ACER1: variants seen among roughly 807,000 people sequenced by gnomAD.
The protein encoded by ACER1 is CTB-180A7.3.
In ACER1, 28 loss-of-function variants were observed where a neutral mutation model predicts 24.9. The ratio of observed to expected loss-of-function variants is 1.13; its 90% CI spans 0.83 to 1.54. The LOEUF (loss-of-function observed/expected upper bound fraction) is 1.54, where lower values mean the gene tolerates loss of function less well. ACER1 is among the 40% of genes most tolerant of loss of function. The pLI is 0.00. For synonymous variants in ACER1, 132 were observed against 131.4 expected, an observed-to-expected ratio of 1.00 and a Z score of -0.03; for missense variants, 352 against 349.3, an observed-to-expected ratio of 1.01 and a Z score of -0.06.
At chr19:6,321,447 C>T (rs2091630368) in intron 1 of ACER1, among the ~76,000 whole-genome samples, 1 of 151,844 alleles carries the variant, frequency 6.6e-6, no homozygotes, top group Non-Finnish European at 1.5e-5. Context: ...GGCCGAAATA[C>T]ATTCTTTAAA....
the ACER1 span, among the ~76,000 whole-genome samples, chr19:6,350,464 G>A: frequency 2.6e-5 from 4 of 151,980 alleles, no homozygotes; most frequent in Non-Finnish European, 5.9e-5. Context: ...CCAGGTACTC[G>A]GGAGGCTGAG....
At chr19:6,350,519 C>T in the ACER1 span, among the ~76,000 whole-genome samples, 4 of 151,238 alleles carry the variant, frequency 2.6e-5, no homozygotes, top group African/African-American at 4.9e-5. Flanking sequence ...TGCAGTGAGC[C>T]GAGATCGTGC....
At chr19:6,340,146 T>C in the ACER1 span, among the ~76,000 whole-genome samples, 1 of 151,298 alleles carries the variant, frequency 6.6e-6, no homozygotes, top group African/African-American at 2.4e-5. Context: ...CCAGGCGTGG[T>C]GGTGCGTGCC....
intron 1 of ACER1, among the ~76,000 whole-genome samples, chr19:6,325,123 C>T (rs941738345): frequency 3.3e-5 from 5 of 152,162 alleles, no homozygotes; most frequent in African/African-American, 9.7e-5. Flanking sequence ...CAAATGCCAC[C>T]GGTTGCCCCA....
chr19:6,334,251 A>G (rs767627630), upstream of ACER1, among the ~76,000 whole-genome samples: 1 of 151,902 alleles, frequency 6.6e-6, no homozygotes, highest in Non-Finnish European at 1.5e-5. Context: ...TCACTGTGTT[A>G]GCCAGGATGG....
the ACER1 span, chr19:6,343,768 C>T: frequency 6.6e-6 from 1 of 152,246 alleles, no homozygotes; most frequent in African/African-American, 2.4e-5. Flanking sequence ...CAGCCACTTC[C>T]TGGTATCCAC....
chr19:6,337,124 C>T (rs1202967726), upstream of ACER1, among the ~76,000 whole-genome samples: 5 of 150,688 alleles, frequency 3.3e-5, no homozygotes, highest in African/African-American at 4.9e-5. Context: ...TGCAGTGAGC[C>T]GAGATTGCAC....
At chr19:6,359,836 C>T in the ACER1 span, among the ~76,000 whole-genome samples, 1 of 152,128 alleles carries the variant, frequency 6.6e-6, no homozygotes, top group African/African-American at 2.4e-5. Context: ...TCATTATCCC[C>T]ACTCTGCAGA....
the ACER1 span, among the ~76,000 whole-genome samples, chr19:6,359,923 CT>C: frequency 6.6e-6 from 1 of 152,184 alleles, no homozygotes; most frequent in Non-Finnish European, 1.5e-5. Context: ...TGAGCACCTA[CT>C]GTGTGTCAGG....
At chr19:6,334,477 T>A (rs2091705026), upstream of ACER1, among the ~76,000 whole-genome samples, 1 of 152,060 alleles carries the variant, frequency 6.6e-6, no homozygotes, top group Non-Finnish European at 1.5e-5. Context: ...CCCAAGTAGC[T>A]GGGATGACTG....
At chr19:6,346,635 C>G in the ACER1 span, among the ~76,000 whole-genome samples, 1 of 151,260 alleles carries the variant, frequency 6.6e-6, no homozygotes, top group Non-Finnish European at 1.5e-5. Context: ...CACACCTTGG[C>G]CTCCCAAAAT....
chr19:6,347,109 A>AATATATATATAT, the ACER1 span, among the ~76,000 whole-genome samples: 44 of 113,730 alleles, frequency 3.9e-4, 1 homozygote, highest in African/African-American at 2.0e-3. Context: ...AAAAAAAAAA[A>AATATATATATAT]ATATATATAT....
the ACER1 span, chr19:6,343,706 C>A: frequency 6.6e-6 from 1 of 152,332 alleles, no homozygotes; most frequent in Non-Finnish European, 1.5e-5. Flanking sequence ...GAACTAGTCA[C>A]ATGACCTCCA....
the ACER1 span, among the ~76,000 whole-genome samples, chr19:6,357,105 T>A: frequency 7.0e-6 from 1 of 142,924 alleles, no homozygotes; most frequent in African/African-American, 2.6e-5. Flanking sequence ...AGTGCAATGG[T>A]GTAATCTTGG....
At chr19:6,342,258 C>CTTTT in the ACER1 span, among the ~76,000 whole-genome samples, 57 of 112,118 alleles carry the variant, frequency 5.1e-4, no homozygotes, top group East Asian at 0.016. Context: ...TATCCTAGTT[C>CTTTT]TTTTTTTTTT....
chr19:6,339,298 A>C, the ACER1 span, among the ~76,000 whole-genome samples: 627 of 152,338 alleles, frequency 4.1e-3, 5 homozygotes, highest in African/African-American at 0.014. Flanking sequence ...AAGGAAGGAA[A>C]TTCTGATACA....
chr19:6,328,431 C>T (rs1356059526), intron 1 of ACER1, among the ~76,000 whole-genome samples: 2 of 129,364 alleles, frequency 1.5e-5, no homozygotes, highest in African/African-American at 3.0e-5. Context: ...GTGGAGGTTG[C>T]AGTGAGCCAA....
chr19:6,322,531 T>A (rs1600241004), intron 1 of ACER1, among the ~76,000 whole-genome samples: 1 of 152,090 alleles, frequency 6.6e-6, no homozygotes, highest in African/African-American at 2.4e-5. Flanking sequence ...CCATGAAGCC[T>A]CCCAACACCT....
the ACER1 span, among the ~76,000 whole-genome samples, chr19:6,346,519 C>CTTTTT: frequency 7.6e-6 from 1 of 130,956 alleles, no homozygotes. Flanking sequence ...TTTTTCTTTT[C>CTTTTT]TTTTTTTTTT....
Sources: allele counts gnomAD v4.1 joint callset (sites outside exome capture counted in the v4.1 genomes callset), GRCh38; gene constraint gnomAD v4.1.1; transcripts MANE v1.5; gene names NCBI Gene and HGNC (gene_info 2026-07-23, HGNC 2026-07-21).